The following GPR174 variants were observed in gnomAD, a reference collection of about 807,000 sequenced individuals.
GPR174 encodes the protein G protein-coupled receptor 174.
Under a neutral mutation model 16.5 loss-of-function variants are expected in GPR174, and 8 were observed. The ratio of observed to expected loss-of-function variants is 0.48; its 90% CI spans 0.28 to 0.87. GPR174 has a LOEUF of 0.87. Ranked by LOEUF, GPR174 falls within the 40% of genes least tolerant of loss-of-function variation. The pLI is 0.09. For missense variants in GPR174, 214 were observed against 247.5 expected (o/e 0.86, Z 0.91); for synonymous variants, 111 against 94.8 (o/e 1.17, Z -0.99).
intron 1 of GPR174, among the ~76,000 whole-genome samples, chrX:79,154,634 CCTAT>C (rs760745039): frequency 5.4e-5 from 6 of 110,685 alleles, no homozygotes; most frequent in African/African-American, 1.3e-4. Flanking sequence ...AAGAATTGGG[CCTAT>C]CTGTCTACTC....
chrX:79,163,109 A>G (rs1308033178), intron 2 of GPR174, among the ~76,000 whole-genome samples: 1 of 111,652 alleles, frequency 9.0e-6, no homozygotes, highest in African/African-American at 3.3e-5. Context: ...GGCTTAGAAT[A>G]TTAGGTTTTT....
At chrX:79,156,307 G>A (rs1431271340) in intron 1 of GPR174, among the ~76,000 whole-genome samples, 1 of 112,184 alleles carries the variant, frequency 8.9e-6, no homozygotes, top group Non-Finnish European at 1.9e-5. Context: ...GTACATGTAA[G>A]GCAGCTTTGT....
At chrX:79,153,720 C>G (rs1337037975) in intron 1 of GPR174, among the ~76,000 whole-genome samples, 1 of 111,753 alleles carries the variant, frequency 8.9e-6, no homozygotes, top group Non-Finnish European at 1.9e-5. Context: ...TTTAGATAGT[C>G]TGACCATATG....
At chrX:79,161,813 C>A (rs1038025948) in intron 2 of GPR174, among the ~76,000 whole-genome samples, 4 of 111,957 alleles carry the variant, frequency 3.6e-5, no homozygotes, top group African/African-American at 1.3e-4. Context: ...TCATTTCCTG[C>A]CATATGAAGG....
intron 1 of GPR174, among the ~76,000 whole-genome samples, chrX:79,147,370 C>A (rs1266623450): frequency 9.1e-6 from 1 of 109,722 alleles, no homozygotes; most frequent in Non-Finnish European, 1.9e-5. Context: ...ATTTTGAGAG[C>A]ATTCAAGAAT....
Position 79,151,911 on chromosome X carries a change from T to C in GPR174, c.-653-4911T>C, listed in dbSNP as rs924723523. ...AGGTGTGTGACTTCATGGAACTTTT[T>C]GCCTTAAACAGAATCACCATGCATC... On this transcript the variant is annotated intron_variant, in intron 1 of 2. Transcript: ENST00000645147. 2.7e-5 allele frequency among the ~76,000 whole-genome samples: 3 copies of C among 111,810 alleles called. 1 individual carries two copies. The highest frequency in any genetic ancestry group is 9.7e-5 in the African/African-American group (3 of 30,888).
At chrX:79,157,338 A>G (rs905101161) in intron 2 of GPR174, among the ~76,000 whole-genome samples, 6 of 111,497 alleles carry the variant, frequency 5.4e-5, no homozygotes, top group African/African-American at 1.6e-4. Context: ...AACCCCTTAA[A>G]TTTTGTGTCC....
In GPR174 at chrX:79,145,018, CTTTCT is replaced by C. The variant is rs1926467799; in HGVS notation, c.-850_-846del. The C allele has an allele frequency of 1.2e-4, 5 of 41,852 alleles. No individual in the cohort carries two copies. In the East Asian group the frequency reaches 2.1e-3, roughly 17 times the overall value. 3.4% of individuals were successfully genotyped at this position (41,852 alleles called of 1,213,427 possible). On this transcript the variant is annotated 5_prime_UTR_variant, in exon 1 of 3. Coordinates refer to ENST00000645147, the MANE Select transcript of GPR174 (RefSeq NM_032553.3). Reference sequence around the variant, plus strand: ...TCTCTCTCTCTCTCTTTCTTTCTTTCTTTCTTTCTTTCTTTCTTTCTTTCTTTCTT... The same window carrying C: ...TCTCTCTCTCTCTCTTTCTTTCTTTCTTCTTTCTTTCTTTCTTTCTTTCTT...
At chrX:79,158,274 C>T (rs145866778) in intron 2 of GPR174, among the ~76,000 whole-genome samples, 2,310 of 106,252 alleles carry the variant, frequency 0.022, 33 homozygotes, top group Non-Finnish European at 0.035. Flanking sequence ...ACCACTTGAG[C>T]CCTTTCCCCT....
rs1029556159 is a variant in GPR174 at position 79,172,113 on chromosome X, G to A, written c.*104G>A. ...ACTTGCAAAACAACACAGCTTTTCA[G>A]TTCTGCTCTATCTTACTGCTATGGG... is the stretch of plus-strand genomic sequence containing the variant. On this transcript the variant is annotated 3_prime_UTR_variant, in exon 3 of 3. Transcript: ENST00000645147. 2 of 836,860 alleles carry A rather than the reference G, an allele frequency of 2.4e-6. No individual in the cohort carries two copies. The highest frequency in any genetic ancestry group is 3.4e-6 in the Non-Finnish European group (2 of 594,439). 69.0% of individuals were successfully genotyped at this position (836,860 alleles called of 1,213,427 possible).
At chrX:79,157,907 G>C (rs1921136748) in intron 2 of GPR174, among the ~76,000 whole-genome samples, 1 of 108,801 alleles carries the variant, frequency 9.2e-6, no homozygotes, top group Non-Finnish European at 1.9e-5. Context: ...CTAAACATGG[G>C]GGAAAAAAAC....
At chrX:79,152,380 T>C (rs1056194140) in intron 1 of GPR174, among the ~76,000 whole-genome samples, 2 of 81,373 alleles carry the variant, frequency 2.5e-5, no homozygotes, top group Admixed American at 2.5e-4. Flanking sequence ...TTTCAGAGCA[T>C]ACTCTGCAGC....
chrX:79,156,857 C>A lies in GPR174; in HGVS notation c.-618C>A, dbSNP rs1055110198. On this transcript the variant is annotated 5_prime_UTR_variant, in exon 2 of 3. Coordinates refer to ENST00000645147, the MANE Select transcript of GPR174 (RefSeq NM_032553.3). Reference sequence around the variant, plus strand: ...ATTAATCGTGCCAGATTCTCCAACACTTCCTCAGGAGACCCTATTGCTCTG... The same window carrying A: ...ATTAATCGTGCCAGATTCTCCAACAATTCCTCAGGAGACCCTATTGCTCTG... The A allele has an allele frequency of 8.9e-6, 1 of 112,238 alleles. No homozygotes were observed. Among genetic ancestry groups the A allele is most frequent in the East Asian group, 2.8e-4 (1 of 3,594 alleles). 9.2% of individuals were successfully genotyped at this position (112,238 alleles called of 1,213,427 possible).
rs1921494211 is a variant in GPR174 at position 79,170,829 on chromosome X, C to A, written c.-179C>A. On this transcript the variant is annotated 5_prime_UTR_variant, in exon 3 of 3. Transcript: ENST00000645147. The stretch of plus-strand genomic sequence containing the variant: ...ATCTAAATCAAAAATGCAGATCATT[C>A]TTTGAAAAATCCCCAAATCATACGT... 2.3e-6 allele frequency: 1 copy of A among 437,554 alleles called. No individual in the cohort carries two copies. Among genetic ancestry groups the A allele is most frequent in the African/African-American group, 2.4e-5 (1 of 40,894 alleles). The allele number at this position is 437,554 out of a possible 1,213,427, so 36.1% of individuals were successfully genotyped here.
intron 2 of GPR174, among the ~76,000 whole-genome samples, chrX:79,166,619 A>G (rs992214400): frequency 9.3e-6 from 1 of 107,243 alleles, no homozygotes; most frequent in African/African-American, 3.4e-5. Flanking sequence ...TTGTATTTTT[A>G]GTAGAGATGG....
intron 1 of GPR174, among the ~76,000 whole-genome samples, chrX:79,153,872 A>T (rs1355508256): frequency 1.8e-5 from 2 of 111,772 alleles, no homozygotes; most frequent in Non-Finnish European, 3.8e-5. Flanking sequence ...ATAACTCAGG[A>T]TGAGTCTTAC....
chrX:79,151,604 G>T lies in GPR174; in HGVS notation c.-653-5218G>T, dbSNP rs555673537. ...TTTCCACTTGAGAATCAAGAGAGTT[G>T]GTAATAGAAGAAGTCAAGATGTACC... On this transcript the variant is annotated intron_variant, in intron 1 of 2. Coordinates refer to ENST00000645147, the MANE Select transcript of GPR174 (RefSeq NM_032553.3). Among the ~76,000 whole-genome samples the T allele has an allele frequency of 4.0e-4, 45 of 111,432 alleles. No individual in the cohort carries two copies. In the South Asian group the frequency reaches 6.7e-3, roughly 17 times the overall value.
rs1921536661 is a variant in GPR174 at position 79,172,232 on chromosome X, G to T, written c.*223G>T. 2 of 371,727 alleles carry T rather than the reference G, an allele frequency of 5.4e-6. No homozygotes were observed. Among genetic ancestry groups the T allele is most frequent in the Admixed American group, 1.0e-4 (2 of 19,048 alleles). The allele number at this position is 371,727 out of a possible 1,213,427, so 30.6% of individuals were successfully genotyped here. The stretch of plus-strand genomic sequence containing the variant: ...CATGTAGTAATTTTTCTTCAAGTCT[G>T]TAAATCTTAAAATATCAAATTTCTG... On this transcript the variant is annotated 3_prime_UTR_variant, in exon 3 of 3. Coordinates refer to ENST00000645147, the MANE Select transcript of GPR174 (RefSeq NM_032553.3).
chrX:79,169,459 T>C (rs1373798807), intron 2 of GPR174, among the ~76,000 whole-genome samples: 1 of 111,907 alleles, frequency 8.9e-6, no homozygotes, highest in Admixed American at 9.5e-5. Context: ...ATCAAGCCTT[T>C]TAAGTAAAGT....
Sources: allele counts gnomAD v4.1 joint callset (sites outside exome capture counted in the v4.1 genomes callset), GRCh38; gene constraint gnomAD v4.1.1; transcripts MANE v1.5; gene names NCBI Gene and HGNC (gene_info 2026-07-23, HGNC 2026-07-21).